The following TAGAP variants were observed in gnomAD, a reference collection of about 807,000 sequenced individuals.
TAGAP encodes T-cell activation Rho GTPase-activating protein.
In TAGAP, 16 loss-of-function variants were observed where a neutral mutation model predicts 36.0. The ratio of observed to expected loss-of-function variants is 0.44; its 90% CI spans 0.30 to 0.68. The LOEUF is 0.68. TAGAP is among the 30% of genes least tolerant of loss of function. The pLI is 0.09. For missense variants in TAGAP, 794 were observed against 921.5 expected, an observed-to-expected ratio of 0.86 and a Z score of 1.79; for synonymous variants, 372 against 377.4, an observed-to-expected ratio of 0.99 and a Z score of 0.17.
Position 159,035,679 on chromosome 6 carries a change from A to G in TAGAP, c.*148T>C. ...AGAGACTATCTGATGCGCCATGGCC[A>G]TGGTGTAGCTATCCTCACTGAGGAG... is the stretch of plus-strand genomic sequence containing the variant. On this transcript the variant is annotated 3_prime_UTR_variant, in exon 10 of 10. Transcript: ENST00000367066. 1 of 699,268 alleles carries G rather than the reference A, an allele frequency of 1.4e-6. No individual in the cohort carries two copies. Among genetic ancestry groups the G allele is most frequent in the Non-Finnish European group, 2.3e-6 (1 of 432,548 alleles). The allele number at this position is 699,268 out of a possible 1,614,324, so 43.3% of individuals were successfully genotyped here.
chr6:159,040,756 T>G lies in TAGAP; in HGVS notation c.554A>C (p.Gln185Pro). 6.2e-7 allele frequency: 1 copy of G among 1,614,172 alleles called. No homozygotes were observed. Residue 185 changes from glutamine (Q) to proline (P), a missense_variant, in exon 7 of 10, where the codon CAG becomes CCG. Physicochemically the swap from Gln to Pro is moderately conservative, Grantham distance 76. Coordinates refer to ENST00000367066, the MANE Select transcript of TAGAP (RefSeq NM_054114.5). The part of the protein sequence containing the change: ...FEEWMGALEM[Q>P]DEEDRIEALK... ...GGCCTCGATTCTGTCCTCCTCGTCC[T>G]GCATCTCCAGAGCACCCATCCACTC... is the stretch of plus-strand genomic sequence containing the variant.
rs763473888 is a variant in TAGAP at position 159,041,351 on chromosome 6, C to T, written c.477+3G>A. ...TTATTTGGCGCAAGTGTGTTGAACTCACCTTAAAGACCACAGCGAGGAGGT... is the reference window on the plus strand; with the variant it reads ...TTATTTGGCGCAAGTGTGTTGAACTTACCTTAAAGACCACAGCGAGGAGGT... On this transcript the variant is annotated splice_donor_region_variant and intron_variant, in intron 6 of 9. Transcript: ENST00000367066. The surrounding 1 kb of genome is among the most constrained non-coding windows in gnomAD (Gnocchi z 4.1). The T allele has an allele frequency of 6.2e-7, 1 of 1,612,886 alleles. No individual in the cohort carries two copies. Among genetic ancestry groups the T allele is most frequent in the Admixed American group, 1.7e-5 (1 of 59,848 alleles).
intron 8 of TAGAP, among the ~76,000 whole-genome samples, chr6:159,038,698 A>G (rs1779644796): frequency 6.6e-6 from 1 of 152,252 alleles, no homozygotes; most frequent in Non-Finnish European, 1.5e-5. Context: ...AATCACATAC[A>G]TTAAAGTTAG....
In TAGAP at chr6:159,041,090, G is replaced by A. The variant is rs140891413; in HGVS notation, c.478-258C>T. On this transcript the variant is annotated intron_variant, in intron 6 of 9. Coordinates refer to ENST00000367066, the MANE Select transcript of TAGAP (RefSeq NM_054114.5). The surrounding 1 kb of genome is among the most constrained non-coding windows in gnomAD (Gnocchi z 4.1). ...TTCTGAGGGGCCACTGGATTTTGAC[G>A]TATGGATTCTGCCACGGAACAATCA... The A allele has an allele frequency of 5.2e-4, 306 of 585,272 alleles. 4 individuals are homozygous for A. The highest frequency in any genetic ancestry group is 5.1e-3 in the African/African-American group (273 of 53,690). 36.3% of individuals were successfully genotyped at this position (585,272 alleles called of 1,614,324 possible). A position where few individuals can be genotyped will look rare whatever the true frequency, so the allele number is the denominator to read the frequency against.
chr6:159,036,682 C>T lies in TAGAP; in HGVS notation c.1341G>A (p.Pro447=), dbSNP rs775075229. 1.9e-6 allele frequency: 3 copies of T among 1,613,890 alleles called. No individual in the cohort carries two copies. Among genetic ancestry groups the T allele is most frequent in the South Asian group, 2.2e-5 (2 of 91,088 alleles). The change falls in exon 10 of 10, where the codon CCG becomes CCA. Residue 447 remains proline (P), a synonymous_variant. Transcript: ENST00000367066. The surrounding 1 kb of genome is among the most constrained non-coding windows in gnomAD (Gnocchi z 4.9). ...PVDLKIKNLA[P]GSVLPRALVL... Reference sequence around the variant, plus strand: ...CCAGTGCCCGCGGGAGCACCGAACCCGGGGCCAAGTTCTTGATCTTCAGGT... The same window carrying T: ...CCAGTGCCCGCGGGAGCACCGAACCTGGGGCCAAGTTCTTGATCTTCAGGT...
In TAGAP at chr6:159,036,358, C is replaced by G; in HGVS notation, c.1665G>C (p.Gln555His). ...KESQLAGRIV[Q>H]ENGCETHNQT... The stretch of plus-strand genomic sequence containing the variant: ...GGTTGTGGGTTTCACACCCATTTTC[C>G]TGCACGATTCGGCCGGCAAGCTGGC... The change falls in exon 10 of 10, where the codon CAG (glutamine) becomes CAC (histidine). Residue 555 changes from glutamine to histidine, a missense_variant. By Grantham distance (24) the Gln-to-His change is conservative. Coordinates refer to ENST00000367066, the MANE Select transcript of TAGAP (RefSeq NM_054114.5). This position sits in a 1 kb window ranked among gnomAD's most constrained non-coding sequence, Gnocchi z 4.9. 6.2e-7 allele frequency: 1 copy of G among 1,614,070 alleles called. No individual in the cohort carries two copies. The highest frequency in any genetic ancestry group is 8.5e-7 in the Non-Finnish European group (1 of 1,180,004).
chr6:159,037,150 A>G lies in TAGAP; in HGVS notation c.899-26T>C, dbSNP rs750411777. On this transcript the variant is annotated intron_variant, in intron 9 of 9. Coordinates refer to ENST00000367066, the MANE Select transcript of TAGAP (RefSeq NM_054114.5). The surrounding 1 kb of genome is among the most constrained non-coding windows in gnomAD (Gnocchi z 5.1). The stretch of plus-strand genomic sequence containing the variant: ...CTGGGGGAAGTCAAGCAGCAGTTGA[A>G]CATTTGTTTGGGTTTATTTATTTAT... The G allele has an allele frequency of 6.5e-7, 1 of 1,549,674 alleles. No homozygotes were observed. The highest frequency in any genetic ancestry group is 8.7e-7 in the Non-Finnish European group (1 of 1,155,046).
intron 4 of TAGAP, chr6:159,043,085 T>C (rs1229147382): frequency 6.5e-6 from 1 of 154,182 alleles, no homozygotes; most frequent in Non-Finnish European, 1.4e-5. Flanking sequence ...CATTTCAGAT[T>C]GGCAAGTGGA....
At chr6:159,040,178 ATTT>A (rs1779696938) in intron 7 of TAGAP, among the ~76,000 whole-genome samples, 1 of 152,164 alleles carries the variant, frequency 6.6e-6, no homozygotes, top group South Asian at 2.1e-4. Context: ...ATATGTTATT[ATTT>A]TTACTCTCAC....
intron 6 of TAGAP, 86 bp from the exon 7 acceptor site, chr6:159,040,918 G>T: frequency 2.0e-6 from 2 of 1,010,600 alleles, no homozygotes; most frequent in Non-Finnish European, 3.1e-6. Flanking sequence ...TTCCATCGCA[G>T]GGTGCTCTAT....
In TAGAP at chr6:159,036,967, C is replaced by T. The variant is rs762336101; in HGVS notation, c.1056G>A (p.Glu352=). The T allele has an allele frequency of 5.6e-6, 9 of 1,613,628 alleles. No individual in the cohort carries two copies. The highest frequency in any genetic ancestry group is 1.1e-5 in the South Asian group (1 of 91,056). Reference sequence around the variant, plus strand: ...TGCTCACAATGGGCTCTGGGCTGACCTCTCGGGCATCCTGTGGGCCCGCGC... The same window carrying T: ...TGCTCACAATGGGCTCTGGGCTGACTTCTCGGGCATCCTGTGGGCCCGCGC... ...LDSAGPQDAR[E]VSPEPIVSTV... The change falls in exon 10 of 10, where the codon GAG becomes GAA. Residue 352 remains glutamate, a synonymous_variant. Coordinates refer to ENST00000367066, the MANE Select transcript of TAGAP (RefSeq NM_054114.5). This position sits in a 1 kb window ranked among gnomAD's most constrained non-coding sequence, Gnocchi z 4.9.
At chr6:159,044,752 C>A (rs1010996540) in intron 1 of TAGAP, 127 bp downstream of exon 1, 9 of 392,614 alleles carry the variant, frequency 2.3e-5, no homozygotes, top group Non-Finnish European at 4.0e-5. Context: ...AAAGCTTTGT[C>A]CTGAGACTTT....
In TAGAP at chr6:159,036,215, GGGCCCTGCATGGCCTCTTCATA is replaced by G; in HGVS notation, c.1786_1807del (p.Tyr596ArgfsTer5). 6.2e-7 allele frequency: 1 copy of G among 1,610,320 alleles called. No homozygotes were observed. The highest frequency in any genetic ancestry group is 8.5e-7 in the Non-Finnish European group (1 of 1,178,730). On this transcript the variant is annotated frameshift_variant, in exon 10 of 10. Coordinates refer to ENST00000367066, the MANE Select transcript of TAGAP (RefSeq NM_054114.5). LOFTEE classifies it low-confidence loss of function (END_TRUNC). The surrounding 1 kb of genome is among the most constrained non-coding windows in gnomAD (Gnocchi z 4.9). ...CTCGGAGGCCACTAGTCTGGCTGCC[GGGCCCTGCATGGCCTCTTCATA>G]AGAGGGTGGGCTTCCAGGCCTCTCC...
At position 159,035,716 on chromosome 6, in the gene TAGAP, A is replaced by G; in HGVS notation, c.*111T>C. The stretch of plus-strand genomic sequence containing the variant: ...TCCTCACTGAGGAGGGCTTTCCACA[A>G]CTTTCTCAAGGAGCTTATTCAAGAC... On this transcript the variant is annotated 3_prime_UTR_variant, in exon 10 of 10. Coordinates refer to ENST00000367066, the MANE Select transcript of TAGAP (RefSeq NM_054114.5). 6 of 1,177,146 alleles carry G rather than the reference A, an allele frequency of 5.1e-6. No homozygotes were observed. Among genetic ancestry groups the G allele is most frequent in the South Asian group, 1.6e-5 (1 of 61,416 alleles). 72.9% of individuals were successfully genotyped at this position (1,177,146 alleles called of 1,614,324 possible).
Position 159,035,573 on chromosome 6 carries a change from T to G in TAGAP, c.*254A>C. ...TGCAAGTTCAAAACGTGTGCAGGGA[T>G]TATTAGACATCCTTTGCACCTAACA... On this transcript the variant is annotated 3_prime_UTR_variant, in exon 10 of 10. Transcript: ENST00000367066. The G allele has an allele frequency of 5.6e-6, 2 of 359,290 alleles. No homozygotes were observed. Among genetic ancestry groups the G allele is most frequent in the East Asian group, 4.3e-5 (1 of 23,034 alleles). The allele number at this position is 359,290 out of a possible 1,614,324, so 22.3% of individuals were successfully genotyped here.
chr6:159,039,148 A>G lies in TAGAP; in HGVS notation c.749T>C (p.Leu250Pro), dbSNP rs1295635979. ...NMLTLENDQSLSFEAQKDLNN... is the reference protein window; with the variant it reads ...NMLTLENDQSPSFEAQKDLNN... ...CAGGTCCTTCTGGGCTTCAAATGAC[A>G]GGCTCTGGTCATTCTCCAGGGTGAG... The change falls in exon 8 of 10, where the codon CTG becomes CCG. Residue 250 changes from leucine to proline, a missense_variant. Coordinates refer to ENST00000367066, the MANE Select transcript of TAGAP (RefSeq NM_054114.5). 2 of 1,614,212 alleles carry G rather than the reference A, an allele frequency of 1.2e-6. No homozygotes were observed. Among genetic ancestry groups the G allele is most frequent in the Admixed American group, 3.3e-5 (2 of 60,022 alleles).
chr6:159,037,083 C>T lies in TAGAP; in HGVS notation c.940G>A (p.Asp314Asn), dbSNP rs748319319. 6.8e-6 allele frequency: 11 copies of T among 1,612,174 alleles called. No homozygotes were observed. Among genetic ancestry groups the T allele is most frequent in the Non-Finnish European group, 9.3e-6 (11 of 1,180,030 alleles). Residue 314 changes from aspartate to asparagine, a missense_variant, in exon 10 of 10, where the codon GAC (aspartate) becomes AAC (asparagine). Transcript: ENST00000367066. The surrounding 1 kb of genome is among the most constrained non-coding windows in gnomAD (Gnocchi z 5.1). ...CTGCTGTTGGATTCCACATCAGGGTCGTTGCTGTCGTAGGCTGAGTCATTC... is the reference window on the plus strand; with the variant it reads ...CTGCTGTTGGATTCCACATCAGGGTTGTTGCTGTCGTAGGCTGAGTCATTC... ...LQNDSAYDSN[D>N]PDVESNSSSG...
chr6:159,042,499 C>G (rs1189909781), intron 4 of TAGAP: 1 of 573,732 alleles, frequency 1.7e-6, no homozygotes, highest in Non-Finnish European at 2.7e-6. Flanking sequence ...AGGCCTCCAC[C>G]TTTCCTGTTT....
chr6:159,039,048 C>A, intron 8 of TAGAP, 66 bp downstream of exon 8: 1 of 1,605,688 alleles, frequency 6.2e-7, no homozygotes, highest in South Asian at 1.1e-5. Context: ...CATTTTATTG[C>A]CTGGACTTGG....
Sources: gnomAD v4.1 joint callset for allele counts (sites outside exome capture counted in the v4.1 genomes callset) on GRCh38, gnomAD v4.1.1 for gene constraint, Gnocchi (gnomAD v3.1) non-coding constraint, MANE v1.5 for transcripts, NCBI Gene and HGNC (gene_info 2026-07-23, HGNC 2026-07-21) for gene names.